Variants in TANGO6 observed in about 807,000 individuals in gnomAD.
TANGO6 encodes transport and golgi organization 6 homolog.
A neutral mutation model predicts 114.2 loss-of-function variants in TANGO6; 90 were observed. The ratio of observed to expected loss-of-function variants is 0.79; its 90% CI spans 0.66 to 0.94. The LOEUF is 0.94. Ranked by LOEUF, TANGO6 falls within the 40% of genes least tolerant of loss-of-function variation. The pLI is 0.00. For synonymous variants in TANGO6, 477 were observed against 509.8 expected, an observed-to-expected ratio of 0.94 and a Z score of 0.87; for missense variants, 1,274 against 1,315.3, an observed-to-expected ratio of 0.97 and a Z score of 0.49.
intron 15 of TANGO6, among the ~76,000 whole-genome samples, chr16:69,017,085 GA>G (rs911493524): frequency 1.6e-4 from 24 of 150,032 alleles, no homozygotes; most frequent in African/African-American, 4.2e-4. Context: ...AGGGAGTAGT[GA>G]AAAAAAAATG....
intron 15 of TANGO6, among the ~76,000 whole-genome samples, chr16:68,994,020 A>G (rs1963968988): frequency 6.6e-6 from 1 of 152,206 alleles, no homozygotes; most frequent in Non-Finnish European, 1.5e-5. Flanking sequence ...TTTTCCTCAT[A>G]GGGTAACTTT....
intron 17 of TANGO6, among the ~76,000 whole-genome samples, chr16:69,063,660 A>C (rs933471272): frequency 0.023 from 3,355 of 148,464 alleles, 180 homozygotes; most frequent in African/African-American, 0.078. Flanking sequence ...AAAAAAAAAA[A>C]AAAAAAAAAA....
chr16:68,919,863 G>A (rs1436748867), intron 12 of TANGO6, among the ~76,000 whole-genome samples: 3 of 152,008 alleles, frequency 2.0e-5, no homozygotes, highest in Non-Finnish European at 4.4e-5. Flanking sequence ...TCAACATGGT[G>A]AAACCCCGTC....
chr16:68,909,925 A>G (rs1962900792), intron 11 of TANGO6, among the ~76,000 whole-genome samples: 1 of 152,188 alleles, frequency 6.6e-6, no homozygotes, highest in South Asian at 2.1e-4. Context: ...GCTTATCTCC[A>G]CAACATTCTC....
At chr16:69,040,187 C>A in intron 16 of TANGO6, 121 bp from the exon 17 acceptor site, 1 of 793,276 alleles carries the variant, frequency 1.3e-6, no homozygotes, top group Non-Finnish European at 2.1e-6. Flanking sequence ...AAGCAACTAT[C>A]CAGCCCTCTC....
rs1963184792 is a variant in TANGO6 at position 68,927,669 on chromosome 16, T to G, written c.2229T>G (p.Asp743Glu). 2 of 1,613,966 alleles carry G rather than the reference T, an allele frequency of 1.2e-6. No individual in the cohort carries two copies. The highest frequency in any genetic ancestry group is 1.7e-6 in the Non-Finnish European group (2 of 1,179,892). Residue 743 changes from aspartate (D) to glutamate (E), a missense_variant, in exon 13 of 18, where the codon GAT becomes GAG. Transcript: ENST00000261778. ...PDPVIQELAVDLRITISTHGA... is the reference protein window; with the variant it reads ...PDPVIQELAVELRITISTHGA... ...CGGTCATCCAAGAACTCGCTGTTGA[T>G]CTCCGCATCACCATCTCTACCCATG...
At chr16:69,020,547 A>G (rs1297527714) in intron 15 of TANGO6, among the ~76,000 whole-genome samples, 2 of 152,192 alleles carry the variant, frequency 1.3e-5, no homozygotes, top group Non-Finnish European at 2.9e-5. Flanking sequence ...GGTTCCACAA[A>G]GAAAGTGGCA....
intron 15 of TANGO6, among the ~76,000 whole-genome samples, chr16:68,992,739 T>C (rs186646142): frequency 9.2e-5 from 14 of 152,284 alleles, no homozygotes; most frequent in African/African-American, 3.4e-4. Context: ...ATGTCCTTTT[T>C]CCCTCTCAAA....
At chr16:68,982,843 A>G (rs1027259592) in intron 15 of TANGO6, among the ~76,000 whole-genome samples, 9 of 151,834 alleles carry the variant, frequency 5.9e-5, no homozygotes, top group Non-Finnish European at 1.3e-4. Flanking sequence ...TTAATAGACC[A>G]TAAAATGAAG....
chr16:69,010,936 G>C (rs1293520513), intron 15 of TANGO6, among the ~76,000 whole-genome samples: 1 of 152,128 alleles, frequency 6.6e-6, no homozygotes, highest in Non-Finnish European at 1.5e-5. Context: ...AAAATATTGT[G>C]TTTTCATTTT....
intron 15 of TANGO6, among the ~76,000 whole-genome samples, chr16:69,009,072 C>CTTTTT (rs869092742): frequency 1.9e-4 from 15 of 77,640 alleles, no homozygotes; most frequent in African/African-American, 4.3e-4. Context: ...GAGTTTATTT[C>CTTTTT]TTTTTTTTTT....
At chr16:68,850,981 T>C (rs1254248190) in intron 1 of TANGO6, among the ~76,000 whole-genome samples, 1 of 152,214 alleles carries the variant, frequency 6.6e-6, no homozygotes, top group African/African-American at 2.4e-5. Flanking sequence ...GTTATCCATG[T>C]TTCCTCCTCT....
Position 68,919,209 on chromosome 16 carries a change from G to T in TANGO6, c.2117G>T (p.Gly706Val). The stretch of plus-strand genomic sequence containing the variant: ...GGGCTGGTGGCTGTCATGCTAGGAG[G>T]AGCTGTTCAGGTGAGTTGTAGACAT... ...SMGLVAVMLG[G>V]AVQLKSSDFA... The change falls in exon 12 of 18, where the codon GGA becomes GTA. Residue 706 changes from glycine to valine, a missense_variant. Gly to Val is a moderately radical substitution (Grantham distance 109). Coordinates refer to ENST00000261778, the MANE Select transcript of TANGO6 (RefSeq NM_024562.2). 6.2e-7 allele frequency: 1 copy of T among 1,612,722 alleles called. No individual in the cohort carries two copies. Among genetic ancestry groups the T allele is most frequent in the Non-Finnish European group, 8.5e-7 (1 of 1,179,568 alleles).
intron 15 of TANGO6, among the ~76,000 whole-genome samples, chr16:68,982,629 C>CATTTTTTTTTTTTTTTTTTTT (rs1567553024): frequency 4.1e-5 from 5 of 120,530 alleles, no homozygotes; most frequent in African/African-American, 1.6e-4. Flanking sequence ...CATGCCCTGG[C>CATTTTTTTTTTTTTTTTTTTT]CTTTTTTTTT....
At chr16:69,014,409 A>C (rs963952124) in intron 15 of TANGO6, among the ~76,000 whole-genome samples, 1 of 152,166 alleles carries the variant, frequency 6.6e-6, no homozygotes, top group African/African-American at 2.4e-5. Flanking sequence ...GCCCATGCCT[A>C]AACCAATTAA....
At chr16:69,068,082 G>A (rs570254087) in intron 17 of TANGO6, among the ~76,000 whole-genome samples, 12 of 152,056 alleles carry the variant, frequency 7.9e-5, no homozygotes, top group Admixed American at 2.6e-4. Context: ...CAGAGGTTGC[G>A]GTGAGCCAAG....
chr16:69,036,613 C>T (rs988224691), intron 16 of TANGO6, among the ~76,000 whole-genome samples: 18 of 152,216 alleles, frequency 1.2e-4, no homozygotes, highest in African/African-American at 3.9e-4. Context: ...CTCAGCAAGG[C>T]TTGTCATAAC....
chr16:68,955,794 C>A (rs868036786), intron 14 of TANGO6, among the ~76,000 whole-genome samples: 1 of 152,082 alleles, frequency 6.6e-6, no homozygotes, highest in Non-Finnish European at 1.5e-5. Flanking sequence ...TATACATATT[C>A]TATAAAAAAA....
chr16:68,969,340 C>T (rs545549179), intron 14 of TANGO6, among the ~76,000 whole-genome samples: 20 of 152,120 alleles, frequency 1.3e-4, no homozygotes, highest in African/African-American at 4.6e-4. Flanking sequence ...AAAGTTTTTT[C>T]GAAATAAATA....
Sources: gnomAD v4.1 joint callset for allele counts (sites outside exome capture counted in the v4.1 genomes callset) on GRCh38, gnomAD v4.1.1 for gene constraint, MANE v1.5 for transcripts, NCBI Gene and HGNC (gene_info 2026-07-23, HGNC 2026-07-21) for gene names.